Variants in ADGRB1 observed in about 807,000 individuals in gnomAD.
ADGRB1 encodes adhesion G protein-coupled receptor B1.
A neutral mutation model predicts 175.7 loss-of-function variants in ADGRB1; 36 were observed. That is an observed-to-expected ratio of 0.20 (90% confidence interval 0.16 to 0.27). ADGRB1 has a LOEUF of 0.27. ADGRB1 is among the 10% of genes least tolerant of loss of function. The probability of loss-of-function intolerance (pLI) is 1.00; values close to 1 mark genes in which losing one functional copy is unlikely to be tolerated. For missense variants in ADGRB1, 1,731 were observed against 2,255.3 expected (o/e 0.77, Z 4.71); for synonymous variants, 1,054 against 979.4 (o/e 1.08, Z -1.42).
In ADGRB1 at chr8:142,542,196, G is replaced by A; in HGVS notation, c.3962G>A (p.Gly1321Asp). The A allele has an allele frequency of 6.2e-7, 1 of 1,613,670 alleles. No homozygotes were observed. Among genetic ancestry groups the A allele is most frequent in the Non-Finnish European group, 8.5e-7 (1 of 1,179,828 alleles). ...RDKAPKSSFV[G>D]DGDIFKKLDS... ...AAGGCGCCCAAGTCCTCCTTCGTCG[G>A]TGACGGGGACATCTTCAAGAAGCTG... is the stretch of plus-strand genomic sequence containing the variant. Residue 1321 changes from glycine to aspartate, a missense_variant, in exon 28 of 31, where the codon GGT becomes GAT. Gly to Asp is a moderately conservative substitution (Grantham distance 94). This residue lies in a region of ADGRB1 where 394 missense variants were observed against 410.2 expected (regional missense o/e 0.96). Coordinates refer to ENST00000517894, the MANE Select transcript of ADGRB1 (RefSeq NM_001702.3). This position sits in a 1 kb window ranked among gnomAD's most constrained non-coding sequence, Gnocchi z 6.3.
At chr8:142,488,286 A>C (rs1424402813) in intron 13 of ADGRB1, 78 bp from the exon 14 acceptor site, 26 of 1,565,550 alleles carry the variant, frequency 1.7e-5, no homozygotes, top group Non-Finnish European at 2.2e-5. Context: ...CCTGCACCTC[A>C]ACTCCCGCAG....
At chr8:142,499,229 C>T (rs1336353400) in intron 17 of ADGRB1, among the ~76,000 whole-genome samples, 3 of 152,220 alleles carry the variant, frequency 2.0e-5, no homozygotes, top group African/African-American at 7.2e-5. Context: ...TCTCCAGCCC[C>T]GGCCCTGTTC....
chr8:142,543,260 C>G lies in ADGRB1; in HGVS notation c.4414-143C>G. ...TGGAGGAGCTGCCTCAGTGCGCCCC[C>G]AGGCATGTCCCCTGGGTCTGGCCTG... On this transcript the variant is annotated intron_variant, in intron 28 of 30. Transcript: ENST00000517894. The surrounding 1 kb of genome is among the most constrained non-coding windows in gnomAD (Gnocchi z 4.4). 9.0e-7 allele frequency: 1 copy of G among 1,116,874 alleles called. No homozygotes were observed. The highest frequency in any genetic ancestry group is 2.6e-5 in the East Asian group (1 of 38,690). 69.2% of individuals were successfully genotyped at this position (1,116,874 alleles called of 1,614,324 possible).
intron 2 of ADGRB1, among the ~76,000 whole-genome samples, chr8:142,472,017 G>T (rs1400053601): frequency 2.0e-5 from 3 of 152,242 alleles, no homozygotes; most frequent in Non-Finnish European, 4.4e-5. Flanking sequence ...GCAGAGCAGG[G>T]TGGGAATGGC....
Position 142,490,789 on chromosome 8 carries a change from C to G in ADGRB1, c.2649C>G (p.Thr883=), listed in dbSNP as rs1587330094. The G allele has an allele frequency of 1.9e-6, 3 of 1,584,158 alleles. No homozygotes were observed. The highest frequency in any genetic ancestry group is 2.7e-5 in the African/African-American group (2 of 74,422). The change falls in exon 17 of 31, where the codon ACC becomes ACG. Residue 883 remains threonine (T), a synonymous_variant. Coordinates refer to ENST00000517894, the MANE Select transcript of ADGRB1 (RefSeq NM_001702.3). ...TCTCCCAGGGCACCACCAACCAGAC[C>G]TGTATCCTGTGGGATGAGACGGATG... is the stretch of plus-strand genomic sequence containing the variant. ...AHMYNGTTNQ[T]CILWDETDVP...
intron 7 of ADGRB1, chr8:142,478,996 C>A: frequency 6.0e-6 from 1 of 167,828 alleles, no homozygotes. Context: ...CGTGGAGTAG[C>A]GGGGTGCACA....
intron 24 of ADGRB1, among the ~76,000 whole-genome samples, chr8:142,528,560 C>T (rs555862167): frequency 2.0e-5 from 3 of 152,034 alleles, no homozygotes; most frequent in Non-Finnish European, 2.9e-5. Flanking sequence ...CGTCCCCGCA[C>T]CCCCTCGGGC....
At chr8:142,503,471 G>A (rs1048291087) in intron 17 of ADGRB1, among the ~76,000 whole-genome samples, 3 of 152,232 alleles carry the variant, frequency 2.0e-5, no homozygotes, top group Middle Eastern at 3.4e-3. Flanking sequence ...TGGCTGGAGC[G>A]TAAAAGGGTG....
At chr8:142,453,006 CCCCGGCCGCCACCTCCCTCCCGCCCG>C (rs1364390275) in intron 1 of ADGRB1, among the ~76,000 whole-genome samples, 2 of 147,520 alleles carry the variant, frequency 1.4e-5, no homozygotes, top group Non-Finnish European at 3.0e-5. Context: ...TCTTGGGCAG[CCCCGGCCGCCACCTCCCTCCCGCCCG>C]CCCGCCCGCC....
intron 27 of ADGRB1, 44 bp from the exon 28 acceptor site, chr8:142,541,897 C>T (rs1207259343): frequency 2.0e-6 from 3 of 1,499,932 alleles, no homozygotes; most frequent in South Asian, 2.6e-5. Flanking sequence ...ACGCCATCCT[C>T]ACCCCCACAC....
chr8:142,480,114 C>T (rs948611844), intron 9 of ADGRB1, among the ~76,000 whole-genome samples: 2 of 152,196 alleles, frequency 1.3e-5, no homozygotes, highest in South Asian at 2.1e-4. Context: ...TGCCCTTGCC[C>T]GGGGCTTGCG....
chr8:142,541,748 G>A (rs1409347193), intron 27 of ADGRB1, among the ~76,000 whole-genome samples, 193 bp from the exon 28 acceptor site: 1 of 152,168 alleles, frequency 6.6e-6, no homozygotes, highest in Admixed American at 6.5e-5. Flanking sequence ...GAACCCTAGG[G>A]GCCGTAGCGC....
chr8:142,469,399 A>G (rs1003752967), intron 2 of ADGRB1, among the ~76,000 whole-genome samples: 6 of 137,234 alleles, frequency 4.4e-5, no homozygotes, highest in African/African-American at 1.4e-4. Flanking sequence ...GTATGTGCAC[A>G]TGCAGATGTG....
At chr8:142,520,786 G>A in intron 19 of ADGRB1, 37 bp from the exon 20 acceptor site, 2 of 1,575,574 alleles carry the variant, frequency 1.3e-6, no homozygotes, top group Non-Finnish European at 8.7e-7. Context: ...ATGGGGTTCT[G>A]TTGGGTGCTG....
intron 16 of ADGRB1, 112 bp downstream of exon 16, chr8:142,489,550 T>A: frequency 8.5e-7 from 1 of 1,171,038 alleles, no homozygotes; most frequent in Non-Finnish European, 1.2e-6. Flanking sequence ...AGCTTTAACC[T>A]TCGAGAGCTA....
intron 9 of ADGRB1, 135 bp from the exon 10 acceptor site, chr8:142,481,119 G>A (rs912064902): frequency 3.1e-5 from 23 of 742,164 alleles, no homozygotes; most frequent in Admixed American, 1.1e-4. Flanking sequence ...CTCTGCTCTC[G>A]GCGTGAGGCC....
At chr8:142,468,626 C>T (rs1381541214) in intron 2 of ADGRB1, among the ~76,000 whole-genome samples, 5 of 152,200 alleles carry the variant, frequency 3.3e-5, no homozygotes, top group East Asian at 3.9e-4. Context: ...TGTGGAGGCA[C>T]GCTCTGCCTC....
chr8:142,487,281 C>T (rs1841717118), intron 13 of ADGRB1, among the ~76,000 whole-genome samples: 1 of 152,124 alleles, frequency 6.6e-6, no homozygotes, highest in Admixed American at 6.5e-5. Flanking sequence ...CGTCCGTCTG[C>T]CCCCATTCCC....
intron 19 of ADGRB1, among the ~76,000 whole-genome samples, chr8:142,518,580 C>G (rs1843586778): frequency 6.6e-6 from 1 of 152,220 alleles, no homozygotes. Flanking sequence ...CCCCGGACCC[C>G]CAGTCAGGCC....
Sources: allele counts gnomAD v4.1 joint callset (sites outside exome capture counted in the v4.1 genomes callset), GRCh38; gene constraint gnomAD v4.1.1; regional missense constraint gnomAD v4.1.1; non-coding constraint Gnocchi (gnomAD v3.1); transcripts MANE v1.5; gene names NCBI Gene and HGNC (gene_info 2026-07-23, HGNC 2026-07-21).